The following DENND4A variants were observed in gnomAD, a reference collection of about 807,000 sequenced individuals.
DENND4A encodes the protein DENN domain containing 4A, also known as C-myc promoter-binding protein.
Under a neutral mutation model 199.3 loss-of-function variants are expected in DENND4A, and 70 were observed. That is an observed-to-expected ratio of 0.35 (90% CI 0.29 to 0.43). DENND4A has a LOEUF of 0.43. DENND4A is among the 20% of genes least tolerant of loss of function. The probability of loss-of-function intolerance (pLI) is 1.00; values close to 1 mark genes in which losing one functional copy is unlikely to be tolerated. For synonymous variants in DENND4A, 686 were observed against 766.9 expected, an observed-to-expected ratio of 0.89 and a Z score of 1.74; for missense variants, 1,723 against 2,255.8, an observed-to-expected ratio of 0.76 and a Z score of 4.78.
chr15:65,741,456 T>C (rs2076259472), intron 5 of DENND4A, among the ~76,000 whole-genome samples: 1 of 152,206 alleles, frequency 6.6e-6, no homozygotes, highest in African/African-American at 2.4e-5. Context: ...TTTCTGCTGA[T>C]TTAAAAACTT....
chr15:65,704,359 T>C (rs1231916387), intron 15 of DENND4A, among the ~76,000 whole-genome samples: 1 of 152,192 alleles, frequency 6.6e-6, no homozygotes, highest in East Asian at 1.9e-4. Flanking sequence ...AGAAACGTCT[T>C]CAGATAAGTA....
At chr15:65,733,067 A>C (rs1487754975) in intron 7 of DENND4A, among the ~76,000 whole-genome samples, 2 of 152,214 alleles carry the variant, frequency 1.3e-5, no homozygotes, top group East Asian at 1.9e-4. Flanking sequence ...CTGTCTTAAA[A>C]GTCTGTTTAA....
At chr15:65,733,706 T>C (rs538072407) in intron 7 of DENND4A, among the ~76,000 whole-genome samples, 2 of 152,282 alleles carry the variant, frequency 1.3e-5, no homozygotes, top group South Asian at 2.1e-4. Flanking sequence ...TAGAAAGAAG[T>C]AGACATAGGA....
At chr15:65,710,907 G>A (rs1413940677) in intron 14 of DENND4A, among the ~76,000 whole-genome samples, 1 of 152,168 alleles carries the variant, frequency 6.6e-6, no homozygotes, top group Non-Finnish European at 1.5e-5. Context: ...GTGACATGTT[G>A]GCTCCCTAGT....
intron 4 of DENND4A, among the ~76,000 whole-genome samples, chr15:65,744,110 G>C (rs1475587070): frequency 6.6e-6 from 1 of 151,996 alleles, no homozygotes; most frequent in Non-Finnish European, 1.5e-5. Context: ...AATAAGGGTA[G>C]CAACAGTGGG....
intron 3 of DENND4A, chr15:65,753,833 C>CTTTTTTTT (rs748030669): frequency 4.6e-5 from 6 of 131,636 alleles, no homozygotes; most frequent in African/African-American, 1.1e-4. Context: ...TTCTTTCTTT[C>CTTTTTTTT]TTTTTTTTTT....
At chr15:65,740,273 C>T (rs1271782845) in intron 5 of DENND4A, among the ~76,000 whole-genome samples, 22 of 147,072 alleles carry the variant, frequency 1.5e-4, no homozygotes, top group Non-Finnish European at 3.0e-5. Flanking sequence ...AGTGAGATTC[C>T]ATCTCCCAAA....
rs529984057 is a variant in DENND4A, at chr15:65,686,131, C to T, written c.4179+4284G>A. Among the ~76,000 whole-genome samples the T allele has an allele frequency of 1.1e-4, 16 of 152,316 alleles. No homozygotes were observed. In the East Asian group the frequency reaches 2.9e-3, roughly 27 times the overall value. Reference sequence around the variant, plus strand: ...CAATGTAGGGAGGGTTGCAGCTTAACAATACCGAGTCTTCAATTCCATGAA... The same window carrying T: ...CAATGTAGGGAGGGTTGCAGCTTAATAATACCGAGTCTTCAATTCCATGAA... On this transcript the variant is annotated intron_variant, in intron 23 of 32. Transcript: ENST00000443035.
At position 65,771,702 on chromosome 15, in the gene DENND4A, T is replaced by C. The variant is rs181659267; in HGVS notation, c.-101-10264A>G. 5,704 of 1,610,224 alleles carry C rather than the reference T, an allele frequency of 3.5e-3. 20 individuals carry two copies. The highest frequency in any genetic ancestry group is 7.6e-3 in the Middle Eastern group (46 of 6,056). ...GAAGGAAATCCACCCCCAAAAAATA[T>C]ATTAAACAAGTCTTCTGGAGTTATA... is the stretch of plus-strand genomic sequence containing the variant. On this transcript the variant is annotated intron_variant, in intron 1 of 32. Coordinates refer to ENST00000443035, the MANE Select transcript of DENND4A (RefSeq NM_001320835.1).
intron 29 of DENND4A, among the ~76,000 whole-genome samples, chr15:65,666,061 A>C (rs1311180378): frequency 2.0e-5 from 3 of 152,252 alleles, no homozygotes; most frequent in Non-Finnish European, 4.4e-5. Context: ...GAGTGGTAGC[A>C]CATGATTGCA....
intron 1 of DENND4A, among the ~76,000 whole-genome samples, chr15:65,784,969 G>A (rs991365165): frequency 2.6e-5 from 4 of 152,046 alleles, no homozygotes; most frequent in African/African-American, 9.7e-5. Context: ...CCAAGATGGT[G>A]AAACCCCACC....
rs761994040 is a variant in DENND4A at position 65,670,023 on chromosome 15, G to A, written c.4630C>T (p.Arg1544Ter). The A allele has an allele frequency of 3.1e-6, 5 of 1,591,622 alleles. No individual in the cohort carries two copies. Among genetic ancestry groups the A allele is most frequent in the South Asian group, 1.1e-5 (1 of 88,202 alleles). Residue 1544 changes from arginine (R) to a stop codon, truncating the protein, a stop_gained, in exon 26 of 33, where the codon CGA becomes TGA. Transcript: ENST00000443035. LOFTEE classifies it high-confidence loss of function. ...FLNIEIRDLR[R>*]PGRYFLKSSP... ...AAAAAATATCATTACCTTCCAGGTC[G>A]TCTTAAATCTCTTATTTCTATATTC...
intron 21 of DENND4A, 66 bp downstream of exon 21, chr15:65,697,201 A>C: frequency 9.7e-7 from 1 of 1,030,188 alleles, no homozygotes; most frequent in Non-Finnish European, 1.4e-6. Context: ...CTTTTATAAA[A>C]TCACCTGCAT....
chr15:65,728,862 T>C (rs1229526912), intron 11 of DENND4A: 1 of 595,552 alleles, frequency 1.7e-6, no homozygotes, highest in Non-Finnish European at 3.0e-6. Context: ...GGATGAAAGG[T>C]ATAGTCCTTC....
At chr15:65,691,532 T>G (rs764397795) in intron 22 of DENND4A, 21 bp from the exon 23 acceptor site, 1 of 1,528,476 alleles carries the variant, frequency 6.5e-7, no homozygotes, top group Non-Finnish European at 8.8e-7. Flanking sequence ...AGTAAAGTGC[T>G]TTTAGCCATG....
At chr15:65,667,732 C>A in intron 28 of DENND4A, 29 bp from the exon 29 acceptor site, 1 of 1,589,192 alleles carries the variant, frequency 6.3e-7, no homozygotes. Flanking sequence ...CCATAAATGG[C>A]AAATGCAAAA....
rs778895336 is a variant in DENND4A at position 65,668,049 on chromosome 15, G to A, written c.4862C>T (p.Ser1621Phe). 1 of 1,612,058 alleles carries A rather than the reference G, an allele frequency of 6.2e-7. No homozygotes were observed. The highest frequency in any genetic ancestry group is 1.7e-5 in the Admixed American group (1 of 59,446). Reference sequence around the variant, plus strand: ...GGCCATTGGAAATATTGGACATTTAGACATAGCTGTTTTTGATCTATTAGC... The same window carrying A: ...GGCCATTGGAAATATTGGACATTTAAACATAGCTGTTTTTGATCTATTAGC... ...IPANRSKTAM[S>F]KCPIFPMARS... The change falls in exon 28 of 33, where the codon TCT (serine) becomes TTT (phenylalanine). Residue 1621 changes from serine to phenylalanine, a missense_variant. This residue lies in a region of DENND4A where 141 missense variants were observed against 170.7 expected (regional missense o/e 0.83). Coordinates refer to ENST00000443035, the MANE Select transcript of DENND4A (RefSeq NM_001320835.1).
intron 1 of DENND4A, among the ~76,000 whole-genome samples, chr15:65,788,834 G>A (rs1334933724): frequency 3.6e-5 from 5 of 140,324 alleles, no homozygotes; most frequent in Admixed American, 2.9e-4. Context: ...CAGCCTGGGT[G>A]ACAGAGCCAG....
intron 11 of DENND4A, 82 bp from the exon 12 acceptor site, chr15:65,723,030 G>A (rs1042113364): frequency 1.4e-5 from 15 of 1,047,582 alleles, no homozygotes; most frequent in Middle Eastern, 2.4e-4. Flanking sequence ...ATATAAAAAC[G>A]GGAAAAGATT....
Sources: allele counts gnomAD v4.1 joint callset (sites outside exome capture counted in the v4.1 genomes callset), GRCh38; gene constraint gnomAD v4.1.1; regional missense constraint gnomAD v4.1.1; transcripts MANE v1.5; gene names NCBI Gene and HGNC (gene_info 2026-07-23, HGNC 2026-07-21).